Variants in AGBL4 observed in about 807,000 individuals in gnomAD.
AGBL4 encodes the protein AGBL carboxypeptidase 4.
AGBL4 carries 58 observed loss-of-function variants against 66.4 expected under a neutral mutation model. The ratio of observed to expected loss-of-function variants is 0.87; its 90% CI spans 0.71 to 1.09. AGBL4 has a LOEUF of 1.09. Among genes scored for constraint, AGBL4 ranks in the 50% least tolerant of loss-of-function variants. The pLI is 0.00. For missense variants in AGBL4, 579 were observed against 631.0 expected (o/e 0.92, Z 0.88); for synonymous variants, 234 against 222.9 (o/e 1.05, Z -0.44).
intron 5 of AGBL4, among the ~76,000 whole-genome samples, chr1:48,933,449 G>T (rs1252623934): frequency 6.6e-6 from 1 of 152,102 alleles, no homozygotes; most frequent in Non-Finnish European, 1.5e-5. Context: ...TATTTTTTTA[G>T]TTGGGATCTG....
At chr1:49,872,559 C>A (rs1489164163) in intron 1 of AGBL4, among the ~76,000 whole-genome samples, 1 of 152,018 alleles carries the variant, frequency 6.6e-6, no homozygotes, top group Admixed American at 6.6e-5. Context: ...CTTGGGACCT[C>A]AAAAGAAATG....
downstream of AGBL4, among the ~76,000 whole-genome samples, chr1:48,528,985 T>C (rs148936857): frequency 2.6e-3 from 394 of 152,066 alleles, 1 homozygote; most frequent in Non-Finnish European, 4.3e-3. Flanking sequence ...TCCCATTTGT[T>C]CAGAGTCCCA....
intron 4 of AGBL4, among the ~76,000 whole-genome samples, chr1:49,090,667 C>A (rs1644986577): frequency 6.6e-6 from 1 of 152,074 alleles, no homozygotes; most frequent in South Asian, 2.1e-4. Flanking sequence ...CTGCCCAAAG[C>A]AATATATAGA....
chr1:49,524,570 A>C (rs1386338273), intron 3 of AGBL4, among the ~76,000 whole-genome samples: 2 of 152,072 alleles, frequency 1.3e-5, no homozygotes, highest in African/African-American at 4.8e-5. Context: ...ATACTGGAAT[A>C]TCTCTGCAGG....
intron 2 of AGBL4, among the ~76,000 whole-genome samples, chr1:49,824,881 G>A (rs1417222767): frequency 1.3e-5 from 2 of 152,202 alleles, no homozygotes; most frequent in East Asian, 3.9e-4. Context: ...CATAAACAAT[G>A]AGGATGCACT....
chr1:49,740,866 C>G (rs1244223035), intron 2 of AGBL4, among the ~76,000 whole-genome samples: 4 of 152,142 alleles, frequency 2.6e-5, no homozygotes, highest in African/African-American at 7.2e-5. Context: ...AACAAACACA[C>G]AACATACCAG....
At chr1:49,781,511 G>A (rs1348967648) in intron 2 of AGBL4, among the ~76,000 whole-genome samples, 1 of 152,022 alleles carries the variant, frequency 6.6e-6, no homozygotes, top group East Asian at 1.9e-4. Flanking sequence ...AAACATGACA[G>A]AATTAAAAAG....
At chr1:49,937,057 G>C (rs1222128259) in intron 1 of AGBL4, among the ~76,000 whole-genome samples, 1 of 152,104 alleles carries the variant, frequency 6.6e-6, no homozygotes, top group Non-Finnish European at 1.5e-5. Flanking sequence ...ATTGAATAAA[G>C]AGTCAAGACC....
Position 49,295,498 on chromosome 1 carries a change from A to C in AGBL4, c.283-49634T>G, listed in dbSNP as rs151296162. 3.9e-3 allele frequency among the ~76,000 whole-genome samples: 592 copies of C among 152,330 alleles called. 7 individuals carry two copies. The highest frequency in any genetic ancestry group is 0.014 in the African/African-American group (568 of 41,580). On this transcript the variant is annotated intron_variant, in intron 3 of 13. Coordinates refer to ENST00000371839, the MANE Select transcript of AGBL4 (RefSeq NM_032785.4). ...AACATTTCAGACAGAAAAACTGTGA[A>C]TATAGGTAGAGATGTGAAACAACAT...
intron 4 of AGBL4, among the ~76,000 whole-genome samples, chr1:49,182,537 C>A (rs923288454): frequency 1.3e-5 from 2 of 152,154 alleles, no homozygotes; most frequent in African/African-American, 2.4e-5. Flanking sequence ...ACATGCCTTG[C>A]CCTGGTTACT....
At chr1:49,331,417 G>A (rs1645331747) in intron 3 of AGBL4, among the ~76,000 whole-genome samples, 1 of 152,182 alleles carries the variant, frequency 6.6e-6, no homozygotes, top group African/African-American at 2.4e-5. Flanking sequence ...GGAGGGACAA[G>A]CCGCCATCTT....
Position 49,934,198 on chromosome 1 carries a change from G to C in AGBL4, c.35-82680C>G, listed in dbSNP as rs564706194. Among the ~76,000 whole-genome samples the C allele has an allele frequency of 3.3e-5, 5 of 152,186 alleles. No individual in the cohort carries two copies. In the East Asian group the frequency reaches 5.8e-4, roughly 18 times the overall value. ...ACAGAACTGAAAGGAGAAATCAACAGCAATACAATAATAGTAAGATATTTA... is the reference window on the plus strand; with the variant it reads ...ACAGAACTGAAAGGAGAAATCAACACCAATACAATAATAGTAAGATATTTA... On this transcript the variant is annotated intron_variant, in intron 1 of 13. Coordinates refer to ENST00000371839, the MANE Select transcript of AGBL4 (RefSeq NM_032785.4).
chr1:49,054,600 G>C (rs1407799459), intron 4 of AGBL4, among the ~76,000 whole-genome samples: 2 of 151,856 alleles, frequency 1.3e-5, no homozygotes, highest in Non-Finnish European at 2.9e-5. Context: ...ATCCAAACAA[G>C]CTTCTATTTT....
intron 5 of AGBL4, among the ~76,000 whole-genome samples, chr1:48,887,010 T>A (rs1650427519): frequency 6.6e-6 from 1 of 151,986 alleles, no homozygotes; most frequent in South Asian, 2.1e-4. Flanking sequence ...AGCAGTGAAG[T>A]CTAACTGGGG....
intron 2 of AGBL4, among the ~76,000 whole-genome samples, chr1:49,731,288 A>G (rs1214335154): frequency 2.6e-5 from 4 of 152,184 alleles, no homozygotes; most frequent in Non-Finnish European, 5.9e-5. Context: ...CAGCCTAAGA[A>G]TTACTAAAAC....
intron 6 of AGBL4, among the ~76,000 whole-genome samples, chr1:48,737,082 G>C (rs891593349): frequency 6.6e-6 from 1 of 152,114 alleles, no homozygotes; most frequent in African/African-American, 2.4e-5. Flanking sequence ...AGGAGATTGG[G>C]ACCATCCTGG....
At chr1:49,976,601 T>C (rs1050798044) in intron 1 of AGBL4, among the ~76,000 whole-genome samples, 6 of 152,188 alleles carry the variant, frequency 3.9e-5, no homozygotes, top group East Asian at 3.9e-4. Flanking sequence ...TCTCATGTAA[T>C]ATCACAGCTT....
intron 2 of AGBL4, among the ~76,000 whole-genome samples, chr1:49,742,806 A>G (rs1357098545): frequency 6.6e-6 from 1 of 152,210 alleles, no homozygotes; most frequent in Non-Finnish European, 1.5e-5. Context: ...TGGGGAAAGG[A>G]TTCCCTATTT....
intron 6 of AGBL4, among the ~76,000 whole-genome samples, chr1:48,806,501 C>T (rs1645927120): frequency 6.6e-6 from 1 of 152,206 alleles, no homozygotes; most frequent in South Asian, 2.1e-4. Flanking sequence ...GATCTTTGTT[C>T]TGCATTGTTT....
Sources: gnomAD v4.1 joint callset for allele counts (sites outside exome capture counted in the v4.1 genomes callset) on GRCh38, gnomAD v4.1.1 for gene constraint, MANE v1.5 for transcripts, NCBI Gene and HGNC (gene_info 2026-07-23, HGNC 2026-07-21) for gene names.